The following ST6GAL2 variants were observed in gnomAD, a reference collection of about 807,000 sequenced individuals.
The protein encoded by ST6GAL2 is beta-galactoside alpha-2,6-sialyltransferase 2.
ST6GAL2 carries 24 observed loss-of-function variants against 37.5 expected under a neutral mutation model. The observed-to-expected ratio is 0.64, with a 90% CI of 0.46 to 0.90. The LOEUF is 0.90. Ranked by LOEUF, ST6GAL2 falls within the 40% of genes least tolerant of loss-of-function variation. The pLI, the probability that ST6GAL2 is intolerant of heterozygous loss-of-function variation, is 0.00. For missense variants in ST6GAL2, 715 were observed against 712.7 expected (o/e 1.00, Z -0.04); for synonymous variants, 306 against 295.1 (o/e 1.04, Z -0.38).
chr2:106,834,387 T>C, intron 2 of ST6GAL2: 1 of 404,960 alleles, frequency 2.5e-6, no homozygotes, highest in Non-Finnish European at 4.4e-6. Context: ...CGAGACTGTA[T>C]GATCTAAGTG....
chr2:106,817,992 A>G (rs950645680), intron 5 of ST6GAL2, among the ~76,000 whole-genome samples: 1 of 152,088 alleles, frequency 6.6e-6, no homozygotes, highest in Non-Finnish European at 1.5e-5. Context: ...TCTGCTGTGA[A>G]AAGGGGAAAG....
chr2:106,875,996 C>G (rs1038254138), intron 1 of ST6GAL2, among the ~76,000 whole-genome samples: 1 of 152,090 alleles, frequency 6.6e-6, no homozygotes, highest in Non-Finnish European at 1.5e-5. Context: ...GATGAGGTCT[C>G]GTTCTGTCCC....
intron 1 of ST6GAL2, among the ~76,000 whole-genome samples, chr2:106,847,021 C>T (rs1677172580): frequency 1.3e-5 from 2 of 152,194 alleles, no homozygotes; most frequent in Non-Finnish European, 2.9e-5. Flanking sequence ...TGGCTCACAC[C>T]TTTCACAGTA....
intron 5 of ST6GAL2, among the ~76,000 whole-genome samples, chr2:106,824,248 A>T (rs1676117599): frequency 6.6e-6 from 1 of 152,228 alleles, no homozygotes; most frequent in Non-Finnish European, 1.5e-5. Context: ...AAGGACAAAA[A>T]CTGAGTTCAT....
intron 1 of ST6GAL2, among the ~76,000 whole-genome samples, chr2:106,873,110 G>A (rs1207422638): frequency 1.3e-5 from 2 of 152,182 alleles, no homozygotes; most frequent in Non-Finnish European, 2.9e-5. Flanking sequence ...AAATTCTAAT[G>A]ACCCCAAATG....
chr2:106,832,228 G>T (rs1012475959), intron 4 of ST6GAL2, among the ~76,000 whole-genome samples: 1 of 152,188 alleles, frequency 6.6e-6, no homozygotes, highest in East Asian at 1.9e-4. Flanking sequence ...TACTTGAAAG[G>T]TAATGTAGCC....
At chr2:106,813,212 T>A in intron 5 of ST6GAL2, 2 of 1,374,782 alleles carry the variant, frequency 1.5e-6, no homozygotes, top group Non-Finnish European at 1.9e-6. Flanking sequence ...ATGGCCAATT[T>A]TTACAAATGA....
chr2:106,813,112 C>T (rs1399113793), intron 5 of ST6GAL2: 6 of 1,139,418 alleles, frequency 5.3e-6, no homozygotes, highest in Non-Finnish European at 6.6e-6. Flanking sequence ...CTTATATGGC[C>T]AGTTTTTTTT....
At chr2:106,815,113 T>C (rs957508939) in intron 5 of ST6GAL2, among the ~76,000 whole-genome samples, 3 of 152,246 alleles carry the variant, frequency 2.0e-5, no homozygotes, top group African/African-American at 4.8e-5. Flanking sequence ...AGATAGTACA[T>C]GTAACACAAT....
At chr2:106,861,708 T>G (rs1356832495) in intron 1 of ST6GAL2, among the ~76,000 whole-genome samples, 1 of 151,922 alleles carries the variant, frequency 6.6e-6, no homozygotes, top group East Asian at 1.9e-4. Flanking sequence ...TCGGCTAACT[T>G]CAACCTGTGT....
chr2:106,823,579 G>A (rs1395039937), intron 5 of ST6GAL2, among the ~76,000 whole-genome samples: 1 of 151,914 alleles, frequency 6.6e-6, no homozygotes, highest in Non-Finnish European at 1.5e-5. Flanking sequence ...CCATCAAAGA[G>A]ACTACTGGTA....
chr2:106,862,507 C>CT (rs1301301116), intron 1 of ST6GAL2, among the ~76,000 whole-genome samples: 2 of 151,982 alleles, frequency 1.3e-5, no homozygotes, highest in Non-Finnish European at 2.9e-5. Context: ...ACAGCGTAGG[C>CT]TTATTACTTT....
At chr2:106,816,739 C>T (rs896445572) in intron 5 of ST6GAL2, among the ~76,000 whole-genome samples, 5 of 152,082 alleles carry the variant, frequency 3.3e-5, no homozygotes, top group Non-Finnish European at 5.9e-5. Context: ...ACTATCCACA[C>T]AAAAAAAGCA....
At chr2:106,819,875 T>C (rs1675935070) in intron 5 of ST6GAL2, among the ~76,000 whole-genome samples, 1 of 152,026 alleles carries the variant, frequency 6.6e-6, no homozygotes, top group South Asian at 2.1e-4. Flanking sequence ...GAATTTTTAT[T>C]GGTTTTCTCT....
Position 106,844,193 on chromosome 2 carries a change from T to G in ST6GAL2, c.-57-159A>C, listed in dbSNP as rs186253310. ...TCCAGGAGTTTTAGCTAAATCCAGG[T>G]GTCATATCTGTCCCCCTCCCCGCCC... On this transcript the variant is annotated intron_variant, in intron 1 of 5. Coordinates refer to ENST00000409382, the MANE Select transcript of ST6GAL2 (RefSeq NM_001142351.2). 7.3e-3 allele frequency among the ~76,000 whole-genome samples: 1,114 copies of G among 152,114 alleles called. 22 individuals carry two copies. The highest frequency in any genetic ancestry group is 0.034 in the Admixed American group (513 of 15,280).
chr2:106,812,897 AC>A (rs1328408921), intron 5 of ST6GAL2, among the ~76,000 whole-genome samples: 1 of 152,226 alleles, frequency 6.6e-6, no homozygotes, highest in African/African-American at 2.4e-5. Context: ...CATTTAAGAA[AC>A]TTTTATGTTA....
At chr2:106,820,211 T>C (rs915747424) in intron 5 of ST6GAL2, among the ~76,000 whole-genome samples, 4 of 151,986 alleles carry the variant, frequency 2.6e-5, no homozygotes, top group East Asian at 1.9e-4. Context: ...CAATGATCTA[T>C]TGCCTACAAG....
At chr2:106,850,686 G>A (rs906962513) in intron 1 of ST6GAL2, among the ~76,000 whole-genome samples, 15 of 152,206 alleles carry the variant, frequency 9.9e-5, no homozygotes, top group Admixed American at 5.9e-4. Context: ...AGGTTAGAGA[G>A]AGGCAAGGGA....
chr2:106,830,304 T>C, intron 4 of ST6GAL2, 64 bp from the exon 5 acceptor site: 4 of 1,441,998 alleles, frequency 2.8e-6, no homozygotes, highest in Non-Finnish European at 3.8e-6. Flanking sequence ...AGACAGGGCA[T>C]GGCTGGTTGA....
Sources: allele counts gnomAD v4.1 joint callset (sites outside exome capture counted in the v4.1 genomes callset), GRCh38; gene constraint gnomAD v4.1.1; transcripts MANE v1.5; gene names NCBI Gene and HGNC (gene_info 2026-07-23, HGNC 2026-07-21).